Variants in CAPN13 observed in about 807,000 individuals in gnomAD.
CAPN13 encodes calpain 13, also known as calpain-13.
Under a neutral mutation model 98.4 loss-of-function variants are expected in CAPN13, and 90 were observed. The ratio of observed to expected loss-of-function variants is 0.92; its 90% CI spans 0.77 to 1.09. CAPN13 has a LOEUF of 1.09. Among genes scored for constraint, CAPN13 ranks in the 50% least tolerant of loss-of-function variants. The pLI is 0.00. For synonymous variants in CAPN13, 330 were observed against 305.5 expected (o/e 1.08, Z -0.84); for missense variants, 887 against 841.3 (o/e 1.05, Z -0.67).
At chr2:30,797,069 A>G (rs753350669) in intron 1 of CAPN13, among the ~76,000 whole-genome samples, 1 of 152,210 alleles carries the variant, frequency 6.6e-6, no homozygotes, top group Non-Finnish European at 1.5e-5. Context: ...GGCGGGAGGC[A>G]GTCCAGCTAA....
chr2:30,732,643 C>G, intron 19 of CAPN13, 77 bp from the exon 20 acceptor site: 1 of 1,532,882 alleles, frequency 6.5e-7, no homozygotes, highest in Non-Finnish European at 8.7e-7. Context: ...GTCTGAGACA[C>G]CTGTTCAGAG....
intron 15 of CAPN13, 97 bp downstream of exon 15, chr2:30,741,808 TCTC>T (rs1164130401): frequency 1.9e-6 from 3 of 1,589,240 alleles, no homozygotes; most frequent in Non-Finnish European, 2.6e-6. Flanking sequence ...TCAAGTCACT[TCTC>T]CTCTCTGCAT....
intron 2 of CAPN13, among the ~76,000 whole-genome samples, chr2:30,782,568 T>C (rs1233104462): frequency 6.6e-6 from 1 of 152,188 alleles, no homozygotes; most frequent in Admixed American, 6.5e-5. Context: ...AGGTGAGTCG[T>C]TTCTAGTGAA....
At chr2:30,803,013 C>T (rs1675381649) in intron 1 of CAPN13, among the ~76,000 whole-genome samples, 1 of 152,146 alleles carries the variant, frequency 6.6e-6, no homozygotes, top group African/African-American at 2.4e-5. Context: ...TGGCTGGAGT[C>T]CCAGGAGCCA....
chr2:30,776,055 G>C lies in CAPN13; in HGVS notation c.272-10C>G. The C allele has an allele frequency of 1.3e-6, 2 of 1,593,270 alleles. No homozygotes were observed. Among genetic ancestry groups the C allele is most frequent in the Non-Finnish European group, 1.7e-6 (2 of 1,165,898 alleles). ...AGGAACCAGCAGTCAGCTGTGAGGG[G>C]AGATAAGCCAGGAAAGGCTGATTGG... On this transcript the variant is annotated splice_polypyrimidine_tract_variant and intron_variant, in intron 3 of 22. Coordinates refer to ENST00000295055, the MANE Select transcript of CAPN13 (RefSeq NM_144575.3).
chr2:30,785,661 A>C (rs752648985), intron 2 of CAPN13, among the ~76,000 whole-genome samples: 1 of 152,144 alleles, frequency 6.6e-6, no homozygotes, highest in Non-Finnish European at 1.5e-5. Context: ...GATAATTAGA[A>C]TCTCTCAATC....
intron 2 of CAPN13, among the ~76,000 whole-genome samples, chr2:30,778,309 T>C (rs1673806844): frequency 6.6e-6 from 1 of 151,862 alleles, no homozygotes; most frequent in Non-Finnish European, 1.5e-5. Context: ...CCACCAGTGC[T>C]GCCACATCTG....
intron 4 of CAPN13, among the ~76,000 whole-genome samples, chr2:30,774,096 C>G (rs2148045548): frequency 6.6e-6 from 1 of 151,968 alleles, no homozygotes; most frequent in African/African-American, 2.4e-5. Flanking sequence ...GAAACAACCC[C>G]TATATGAAAA....
At chr2:30,764,074 G>T in intron 6 of CAPN13, 58 bp downstream of exon 6, 2 of 1,493,238 alleles carry the variant, frequency 1.3e-6, no homozygotes, top group Admixed American at 2.0e-5. Flanking sequence ...ACCCCTGGCT[G>T]AGCATTCCTG....
At chr2:30,759,053 TC>T (rs746303516) in intron 7 of CAPN13, among the ~76,000 whole-genome samples, 3 of 11,850 alleles carry the variant, frequency 2.5e-4, no homozygotes, top group South Asian at 2.6e-3. Flanking sequence ...CTTCCTTCCT[TC>T]CCTCCCTCCC....
chr2:30,800,146 A>AAGAAAGAAAGAAAGAAAGAT (rs1675161630), intron 1 of CAPN13, among the ~76,000 whole-genome samples: 1 of 148,534 alleles, frequency 6.7e-6, no homozygotes, highest in African/African-American at 2.5e-5. Context: ...GAAAGAAAGA[A>AAGAAAGAAAGAAAGAAAGAT]AGAAAGAAAG....
At chr2:30,740,670 C>G (rs1421811957) in intron 15 of CAPN13, among the ~76,000 whole-genome samples, 1 of 152,228 alleles carries the variant, frequency 6.6e-6, no homozygotes, top group African/African-American at 2.4e-5. Context: ...ACGAAGGCCC[C>G]CTATGGGCCA....
At chr2:30,730,700 G>A (rs1466733171) in intron 22 of CAPN13, 30 bp downstream of exon 22, 1 of 779,506 alleles carries the variant, frequency 1.3e-6, no homozygotes, top group African/African-American at 1.7e-5. Context: ...GCTCCCAGGA[G>A]GGAAAGACTC....
intron 8 of CAPN13, among the ~76,000 whole-genome samples, chr2:30,755,393 C>T (rs957222508): frequency 4.6e-5 from 7 of 152,312 alleles, no homozygotes; most frequent in Admixed American, 3.3e-4. Flanking sequence ...ATCCTATCAT[C>T]ACAGGTGTTT....
chr2:30,790,011 A>G (rs1486755449), intron 1 of CAPN13, among the ~76,000 whole-genome samples: 1 of 152,096 alleles, frequency 6.6e-6, no homozygotes, highest in Non-Finnish European at 1.5e-5. Context: ...GCTGCTGCGG[A>G]GGTGGGCTGT....
intron 18 of CAPN13, among the ~76,000 whole-genome samples, chr2:30,735,973 A>G (rs1378469640): frequency 6.6e-6 from 1 of 151,962 alleles, no homozygotes; most frequent in Non-Finnish European, 1.5e-5. Flanking sequence ...GAAATAGTGA[A>G]TCTCCTTTAG....
At position 30,751,136 on chromosome 2, in the gene CAPN13, A is replaced by C; in HGVS notation, c.1203T>G (p.Asp401Glu). The C allele has an allele frequency of 1.2e-6, 2 of 1,613,878 alleles. No individual in the cohort carries two copies. Among genetic ancestry groups the C allele is most frequent in the Non-Finnish European group, 1.7e-6 (2 of 1,179,836 alleles). ...CTTGGAAATCGAGTGGAAATTTTGC[A>C]TCTTCTGCTTTCAAATTTGATGGTG... ...AVTPSNLKAE[D>E]AKFPLDFQVI... The change falls in exon 11 of 23, where the codon GAT (aspartate) becomes GAG (glutamate). Residue 401 changes from aspartate (D) to glutamate (E), a missense_variant. Transcript: ENST00000295055.
chr2:30,750,556 C>T (rs1194679524), intron 11 of CAPN13, among the ~76,000 whole-genome samples: 4 of 152,062 alleles, frequency 2.6e-5, no homozygotes, highest in African/African-American at 4.8e-5. Flanking sequence ...AGCCACCAGA[C>T]GATGACTCGA....
intron 2 of CAPN13, among the ~76,000 whole-genome samples, chr2:30,780,321 G>A (rs1200958110): frequency 1.3e-5 from 2 of 152,192 alleles, no homozygotes; most frequent in Non-Finnish European, 1.5e-5. Flanking sequence ...TGCCCAACCT[G>A]AGAGAAAACA....
Sources: allele counts gnomAD v4.1 joint callset (sites outside exome capture counted in the v4.1 genomes callset), GRCh38; gene constraint gnomAD v4.1.1; transcripts MANE v1.5; gene names NCBI Gene and HGNC (gene_info 2026-07-23, HGNC 2026-07-21).